Variants in GPN1 observed in about 807,000 individuals in gnomAD.
GPN1 encodes the protein ATP(GTP)-binding protein.
Under a neutral mutation model 55.9 loss-of-function variants are expected in GPN1, and 44 were observed. The observed-to-expected ratio is 0.79, with a 90% CI of 0.62 to 1.01. The LOEUF (loss-of-function observed/expected upper bound fraction) is 1.01, where lower values mean the gene tolerates loss of function less well. Among genes scored for constraint, GPN1 ranks in the 50% least tolerant of loss-of-function variants. The pLI, the probability that GPN1 is intolerant of heterozygous loss-of-function variation, is 0.00. For missense variants in GPN1, 466 were observed against 462.8 expected, an observed-to-expected ratio of 1.01 and a Z score of -0.06; for synonymous variants, 179 against 162.5, an observed-to-expected ratio of 1.10 and a Z score of -0.77.
At chr2:27,642,943 T>TTA (rs774839303) in intron 12 of GPN1, among the ~76,000 whole-genome samples, 9,660 of 128,314 alleles carry the variant, frequency 0.075, 579 homozygotes, top group African/African-American at 0.17. Flanking sequence ...AAATGTGGTT[T>TTA]TATATATATA....
Position 27,629,130 on chromosome 2 carries a change from G to C in GPN1, c.72G>C (p.Val24=). 6.2e-7 allele frequency: 1 copy of C among 1,614,262 alleles called. No homozygotes were observed. The highest frequency in any genetic ancestry group is 1.1e-5 in the South Asian group (1 of 91,082). The part of the protein sequence containing the change: ...GGPRHPVCLL[V]LGMAGSGKTT... ...CGCGGCACCCAGTGTGTCTGTTGGT[G>C]TTGGGAATGGCGGGATCCGGGAAAA... The change falls in exon 1 of 14, where the codon GTG becomes GTC. Residue 24 remains valine (V), a synonymous_variant. Transcript: ENST00000610189.
At chr2:27,634,258 C>G (rs993628920) in intron 5 of GPN1, among the ~76,000 whole-genome samples, 1 of 152,032 alleles carries the variant, frequency 6.6e-6, no homozygotes, top group African/African-American at 2.4e-5. Flanking sequence ...TGATATAATT[C>G]ATAATTATAT....
rs750134179 is a variant in GPN1, at chr2:27,641,378, CTTTTA to C, written c.840+103_840+107del. ...GCTTTTGTTTTGGTTATTAATGTAT[CTTTTA>C]TTTAATTAAAAAAGTTTTTTTTGTA... On this transcript the variant is annotated intron_variant, in intron 11 of 13. Coordinates refer to ENST00000610189, the MANE Select transcript of GPN1 (RefSeq NM_007266.4). 2.7e-5 allele frequency: 22 copies of C among 812,268 alleles called. No homozygotes were observed. The East Asian group carries it at 4.7e-4, about 18-fold the overall frequency. The allele number at this position is 812,268 out of a possible 1,614,324, so 50.3% of individuals were successfully genotyped here.
In GPN1 at chr2:27,638,217, T is replaced by C. The variant is rs747582566; in HGVS notation, c.532T>C (p.Tyr178His). The C allele has an allele frequency of 6.4e-7, 1 of 1,559,926 alleles. No individual in the cohort carries two copies. Among genetic ancestry groups the C allele is most frequent in the South Asian group, 1.1e-5 (1 of 89,948 alleles). Residue 178 changes from tyrosine (Y) to histidine (H), a missense_variant, in exon 8 of 14, where the codon TAC becomes CAC. By Grantham distance (83) the Tyr-to-His change is moderately conservative. Coordinates refer to ENST00000610189, the MANE Select transcript of GPN1 (RefSeq NM_007266.4). The stretch of plus-strand genomic sequence containing the variant: ...TCAATGTTTGGTTTTCAGCATCTTA[T>C]ACAAAACCAAGCTGCCTTTCATTGT... ...SNMLYACSIL[Y>H]KTKLPFIVVM...
chr2:27,642,819 C>T (rs1674012672), intron 12 of GPN1, among the ~76,000 whole-genome samples: 1 of 151,984 alleles, frequency 6.6e-6, no homozygotes, highest in Non-Finnish European at 1.5e-5. Context: ...CCCACCTGGG[C>T]CTCCCAAAAT....
intron 2 of GPN1, among the ~76,000 whole-genome samples, chr2:27,630,381 C>A (rs1313130353): frequency 2.1e-5 from 3 of 141,016 alleles, no homozygotes; most frequent in African/African-American, 7.8e-5. Flanking sequence ...TCCTAAACAG[C>A]TTAGGTTTTT....
intron 10 of GPN1, among the ~76,000 whole-genome samples, chr2:27,640,850 G>A (rs1001150149): frequency 6.6e-6 from 1 of 152,156 alleles, no homozygotes; most frequent in African/African-American, 2.4e-5. Context: ...CCTTAGGATA[G>A]ACTCTTTTCT....
At chr2:27,629,274 C>T in intron 1 of GPN1, 105 bp downstream of exon 1, 2 of 1,482,196 alleles carry the variant, frequency 1.3e-6, no homozygotes, top group Non-Finnish European at 1.9e-6. Flanking sequence ...GGTACCGGCG[C>T]ATGGCTTTCG....
At chr2:27,637,286 C>T (rs138956114) in intron 7 of GPN1, among the ~76,000 whole-genome samples, 1,659 of 152,002 alleles carry the variant, frequency 0.011, 18 homozygotes, top group Non-Finnish European at 0.015. Context: ...TGAAGTAGAT[C>T]GTCATAAAAC....
At position 27,651,227 on chromosome 2, in the gene GPN1, T is replaced by G. The variant is rs865782117; in HGVS notation, c.*1027T>G. On this transcript the variant is annotated 3_prime_UTR_variant, in exon 14 of 14. Transcript: ENST00000610189. ...AGTCAGTACTCCAACTTAGTGGTTC[T>G]CACATTGTGGACCAGGAGCATCAGC... 6.6e-6 allele frequency: 1 copy of G among 152,304 alleles called. No individual in the cohort carries two copies. The highest frequency in any genetic ancestry group is 1.5e-5 in the Non-Finnish European group (1 of 68,064). 9.4% of individuals were successfully genotyped at this position (152,304 alleles called of 1,614,324 possible).
At chr2:27,641,186 G>C in intron 10 of GPN1, 54 bp from the exon 11 acceptor site, 2 of 1,158,798 alleles carry the variant, frequency 1.7e-6, no homozygotes, top group Non-Finnish European at 2.6e-6. Flanking sequence ...GATGTGGAGA[G>C]TCAGTAGGAT....
In GPN1 at chr2:27,632,681, TCAGTAACAC is replaced by T. The variant is rs1673598490; in HGVS notation, c.350+13_350+21del. The T allele has an allele frequency of 6.5e-7, 1 of 1,545,814 alleles. No individual in the cohort carries two copies. The highest frequency in any genetic ancestry group is 1.4e-5 in the African/African-American group (1 of 73,536). ...CCAGAACATGTCCAAGTAAGTGATG[TCAGTAACAC>T]CCATTTATTACTCTGTAGCTGACAT... On this transcript the variant is annotated intron_variant, in intron 5 of 13. Transcript: ENST00000610189.
intron 12 of GPN1, among the ~76,000 whole-genome samples, chr2:27,642,913 GAA>G (rs1674019087): frequency 6.8e-6 from 1 of 147,510 alleles, no homozygotes; most frequent in Admixed American, 7.0e-5. Context: ...ATGAGAGAGA[GAA>G]AGAGAAAAAG....
intron 1 of GPN1, 187 bp downstream of exon 1, chr2:27,629,356 C>T (rs560424832): frequency 3.9e-5 from 60 of 1,545,852 alleles, no homozygotes; most frequent in African/African-American, 3.8e-4. Context: ...AATTAAGGCT[C>T]TCTTCTGCGC....
At chr2:27,636,638 G>A (rs1363382000) in intron 7 of GPN1, among the ~76,000 whole-genome samples, 2 of 152,044 alleles carry the variant, frequency 1.3e-5, no homozygotes, top group African/African-American at 4.8e-5. Flanking sequence ...ACCACACTTG[G>A]CTAATTTTGT....
upstream of GPN1, chr2:27,628,756 G>A (rs1353392955): frequency 3.2e-6 from 5 of 1,544,894 alleles, no homozygotes; most frequent in Non-Finnish European, 4.4e-6. Context: ...CTGCCCTCGG[G>A]ACCCCATCTC....
At chr2:27,633,920 C>T (rs1460662802) in intron 5 of GPN1, among the ~76,000 whole-genome samples, 1 of 151,476 alleles carries the variant, frequency 6.6e-6, no homozygotes, top group Non-Finnish European at 1.5e-5. Flanking sequence ...ATATTTTTGT[C>T]ATCCTGAAAA....
At chr2:27,648,972 C>T (rs1054297665) in intron 13 of GPN1, among the ~76,000 whole-genome samples, 2 of 150,806 alleles carry the variant, frequency 1.3e-5, no homozygotes, top group Admixed American at 6.6e-5. Context: ...AGGCCGGGCA[C>T]GGTGGCTCAC....
chr2:27,638,096 A>G (rs775278126), intron 7 of GPN1, 114 bp from the exon 8 acceptor site: 11 of 644,690 alleles, frequency 1.7e-5, no homozygotes, highest in Non-Finnish European at 2.5e-5. Flanking sequence ...ATGGATGACT[A>G]CTTTTTAGAT....
Sources: allele counts gnomAD v4.1 joint callset (sites outside exome capture counted in the v4.1 genomes callset), GRCh38; gene constraint gnomAD v4.1.1; transcripts MANE v1.5; gene names NCBI Gene and HGNC (gene_info 2026-07-23, HGNC 2026-07-21).